The following CNTN4 variants were observed in gnomAD, a reference collection of about 807,000 sequenced individuals.
CNTN4 encodes the protein contactin 4.
A neutral mutation model predicts 122.5 loss-of-function variants in CNTN4; 77 were observed. That is an observed-to-expected ratio of 0.63 (90% CI 0.52 to 0.76). The LOEUF is 0.76. CNTN4 is among the 30% of genes least tolerant of loss of function. The pLI is 0.00. For missense variants in CNTN4, 1,256 were observed against 1,259.1 expected (o/e 1.00, Z 0.04); for synonymous variants, 512 against 447.0 (o/e 1.15, Z -1.83).
intron 6 of CNTN4, among the ~76,000 whole-genome samples, chr3:2,755,711 C>G (rs968003642): frequency 1.3e-5 from 2 of 152,126 alleles, no homozygotes; most frequent in Admixed American, 6.5e-5. Flanking sequence ...CAGTTTGTGA[C>G]ATAAGACAAT....
chr3:2,679,033 C>G (rs561558648), intron 4 of CNTN4, among the ~76,000 whole-genome samples: 1 of 152,138 alleles, frequency 6.6e-6, no homozygotes, highest in Non-Finnish European at 1.5e-5. Flanking sequence ...TTTCAGTTCA[C>G]TGAATGTTCT....
chr3:2,436,963 G>A lies in CNTN4; in HGVS notation c.-89+97730G>A, dbSNP rs1192039550. On this transcript the variant is annotated intron_variant, in intron 3 of 24. Coordinates refer to ENST00000418658, the MANE Select transcript of CNTN4 (RefSeq NM_175607.3). ...CTATACTTTCCTTCTTTTGGGAATTGGCTAGTTGATTTTTCTGATCGGTTT... is the reference window on the plus strand; with the variant it reads ...CTATACTTTCCTTCTTTTGGGAATTAGCTAGTTGATTTTTCTGATCGGTTT... Among the ~76,000 whole-genome samples, 4 of 151,826 alleles carry A rather than the reference G, an allele frequency of 2.6e-5. No individual in the cohort carries two copies. The East Asian group carries it at 7.7e-4, about 29-fold the overall frequency.
At chr3:2,652,006 CA>C (rs200278182) in intron 4 of CNTN4, among the ~76,000 whole-genome samples, 1 of 148,868 alleles carries the variant, frequency 6.7e-6, no homozygotes, top group Non-Finnish European at 1.5e-5. Context: ...CGCACCTGGC[CA>C]AAAAAAAGGT....
chr3:2,745,724 A>C lies in CNTN4; in HGVS notation c.358+27A>C, dbSNP rs78860599. The C allele has an allele frequency of 0.046, 74,288 of 1,605,512 alleles. 1,939 individuals carry two copies. The highest frequency in any genetic ancestry group is 0.064 in the South Asian group (5,855 of 90,858). ...TAAGTAGCAATTATACAATGCTGCA[A>C]ATGTTGCTTTCAGTTTGTGTACCAT... On this transcript the variant is annotated intron_variant, in intron 6 of 24. Coordinates refer to ENST00000418658, the MANE Select transcript of CNTN4 (RefSeq NM_175607.3).
intron 2 of CNTN4, among the ~76,000 whole-genome samples, chr3:2,103,567 T>C (rs957459906): frequency 8.5e-5 from 13 of 152,220 alleles, no homozygotes; most frequent in Admixed American, 1.3e-4. Context: ...TCTTCACTTC[T>C]CAGCAGAAAC....
intron 3 of CNTN4, among the ~76,000 whole-genome samples, chr3:2,465,652 A>G (rs1389912269): frequency 3.3e-5 from 5 of 152,160 alleles, no homozygotes; most frequent in African/African-American, 4.8e-5. Context: ...ACTCCAGCCT[A>G]GGCGACACAG....
Position 2,902,962 on chromosome 3 carries a change from T to A in CNTN4, c.1164T>A (p.Asn388Lys). Residue 388 changes from asparagine to lysine, a missense_variant, in exon 12 of 25, where the codon AAT becomes AAA. Coordinates refer to ENST00000418658, the MANE Select transcript of CNTN4 (RefSeq NM_175607.3). ...DAGMYQCLAENKHGVIFSNAE... is the reference protein window; with the variant it reads ...DAGMYQCLAEKKHGVIFSNAE... ...GCATGTATCAGTGTTTGGCAGAGAA[T>A]AAACATGGAGTTATCTTTTCCAACG... 6.2e-7 allele frequency: 1 copy of A among 1,613,870 alleles called. No homozygotes were observed. The highest frequency in any genetic ancestry group is 8.5e-7 in the Non-Finnish European group (1 of 1,179,860).
At chr3:2,856,078 T>C (rs1198668856) in intron 7 of CNTN4, among the ~76,000 whole-genome samples, 1 of 152,196 alleles carries the variant, frequency 6.6e-6, no homozygotes, top group African/African-American at 2.4e-5. Context: ...TCAGCAATAA[T>C]ACTGTTGCTC....
intron 4 of CNTN4, among the ~76,000 whole-genome samples, chr3:2,673,035 G>T (rs1468771041): frequency 6.6e-6 from 1 of 152,102 alleles, no homozygotes; most frequent in Non-Finnish European, 1.5e-5. Context: ...AAATATTTTT[G>T]TACTTGTCTA....
At chr3:2,835,602 A>G (rs1296863078) in intron 7 of CNTN4, among the ~76,000 whole-genome samples, 3 of 152,326 alleles carry the variant, frequency 2.0e-5, no homozygotes, top group African/African-American at 2.4e-5. Flanking sequence ...TCAATTTTAT[A>G]CAACACCACA....
intron 3 of CNTN4, among the ~76,000 whole-genome samples, chr3:2,427,968 T>C (rs1488036585): frequency 6.6e-6 from 1 of 151,968 alleles, no homozygotes; most frequent in Non-Finnish European, 1.5e-5. Flanking sequence ...TGTGTGTCTC[T>C]TCACGTGAGA....
chr3:2,840,483 G>A lies in CNTN4; in HGVS notation c.454+20902G>A, dbSNP rs374641229. On this transcript the variant is annotated intron_variant, in intron 7 of 24. Transcript: ENST00000418658. ...TGGGAGGCCGAGGCGGGCGGATCAC[G>A]AGGTCAGGAGATCGAGACCATCCTG... 1.4e-3 allele frequency among the ~76,000 whole-genome samples: 204 copies of A among 144,614 alleles called. 1 individual carries two copies. Among genetic ancestry groups the A allele is most frequent in the African/African-American group, 4.8e-3 (192 of 39,768 alleles). 94.9% of individuals were successfully genotyped at this position (144,614 alleles called of 152,430 possible).
chr3:2,806,250 C>T (rs1351042361), intron 6 of CNTN4, among the ~76,000 whole-genome samples: 2 of 152,210 alleles, frequency 1.3e-5, no homozygotes, highest in African/African-American at 2.4e-5. Flanking sequence ...AACACTTTTA[C>T]AGCAATGCTC....
intron 4 of CNTN4, among the ~76,000 whole-genome samples, chr3:2,617,962 T>C (rs1438695289): frequency 2.6e-5 from 4 of 152,148 alleles, no homozygotes; most frequent in African/African-American, 9.7e-5. Flanking sequence ...TTCCAAGAGA[T>C]GGATGATGAT....
chr3:2,578,763 T>C (rs2079806714), intron 4 of CNTN4, among the ~76,000 whole-genome samples: 1 of 152,186 alleles, frequency 6.6e-6, no homozygotes, highest in Non-Finnish European at 1.5e-5. Context: ...GTTTCCTGTT[T>C]GCTCTACGCT....
intron 4 of CNTN4, among the ~76,000 whole-genome samples, chr3:2,599,845 T>C (rs556222812): frequency 3.3e-4 from 50 of 152,200 alleles, no homozygotes; most frequent in African/African-American, 1.1e-3. Flanking sequence ...TGGGTATGAA[T>C]TGGATGAGGT....
At position 2,997,457 on chromosome 3, in the gene CNTN4, T is replaced by C. The variant is rs373967261; in HGVS notation, c.1486+8985T>C. On this transcript the variant is annotated intron_variant, in intron 14 of 24. Transcript: ENST00000418658. ...GAATCAGAAAGGAGACGTGTCAGAA[T>C]AATTCATGAGTGACTCTCCCCTTCC... is the stretch of plus-strand genomic sequence containing the variant. 1.4e-3 allele frequency among the ~76,000 whole-genome samples: 218 copies of C among 152,360 alleles called. 1 individual carries two copies. Among genetic ancestry groups the C allele is most frequent in the African/African-American group, 5.1e-3 (214 of 41,592 alleles).
intron 7 of CNTN4, among the ~76,000 whole-genome samples, chr3:2,820,483 G>C (rs143328394): frequency 6.6e-6 from 1 of 152,090 alleles, no homozygotes; most frequent in East Asian, 1.9e-4. Flanking sequence ...TGCAGGTTCC[G>C]TTGTGTAGGC....
At chr3:2,782,998 T>C (rs1056483772) in intron 6 of CNTN4, among the ~76,000 whole-genome samples, 5 of 152,160 alleles carry the variant, frequency 3.3e-5, no homozygotes, top group Admixed American at 3.3e-4. Flanking sequence ...AGGTGAGGAG[T>C]GCCAGTGCGG....
Sources: allele counts gnomAD v4.1 joint callset (sites outside exome capture counted in the v4.1 genomes callset), GRCh38; gene constraint gnomAD v4.1.1; transcripts MANE v1.5; gene names NCBI Gene and HGNC (gene_info 2026-07-23, HGNC 2026-07-21).